Variants in CDH17 observed in about 807,000 individuals in gnomAD.
CDH17 encodes cadherin 17.
Under a neutral mutation model 86.3 loss-of-function variants are expected in CDH17, and 67 were observed. The ratio of observed to expected loss-of-function variants is 0.78; its 90% CI spans 0.64 to 0.95. The LOEUF is 0.95. CDH17 is among the 40% of genes least tolerant of loss of function. The probability of loss-of-function intolerance (pLI) is 0.00; values close to 1 mark genes in which losing one functional copy is unlikely to be tolerated. For synonymous variants in CDH17, 367 were observed against 366.4 expected, an observed-to-expected ratio of 1.00 and a Z score of -0.02; for missense variants, 993 against 1,017.6, an observed-to-expected ratio of 0.98 and a Z score of 0.33.
At chr8:94,143,735 C>T (rs1435470033) in intron 15 of CDH17, among the ~76,000 whole-genome samples, 2 of 152,198 alleles carry the variant, frequency 1.3e-5, no homozygotes, top group East Asian at 3.9e-4. Context: ...ATAAATCAAC[C>T]TCTGCTAGCT....
At position 94,181,187 on chromosome 8, in the gene CDH17, A is replaced by G. The variant is rs546944475; in HGVS notation, c.151-3466T>C. On this transcript the variant is annotated intron_variant, in intron 3 of 17. Transcript: ENST00000027335. Reference sequence around the variant, plus strand: ...CACCTAACAATGGACCTCAAAACACATGAAAGAAAAGCTGACAGAATGGAA... The same window carrying G: ...CACCTAACAATGGACCTCAAAACACGTGAAAGAAAAGCTGACAGAATGGAA... Among the ~76,000 whole-genome samples the G allele has an allele frequency of 7.9e-5, 12 of 152,300 alleles. No individual in the cohort carries two copies. In the East Asian group the frequency reaches 2.3e-3, roughly 29 times the overall value.
chr8:94,216,142 A>G (rs1019722200), intron 1 of CDH17, among the ~76,000 whole-genome samples: 4 of 148,872 alleles, frequency 2.7e-5, no homozygotes, highest in African/African-American at 9.9e-5. Flanking sequence ...AAGGAGGCCA[A>G]ATTCTCCTCC....
At chr8:94,150,791 AG>A (rs1812841462) in intron 13 of CDH17, among the ~76,000 whole-genome samples, 1 of 152,224 alleles carries the variant, frequency 6.6e-6, no homozygotes, top group Non-Finnish European at 1.5e-5. Flanking sequence ...TGAAGAAGAT[AG>A]GAACTTTTGT....
chr8:94,135,524 TC>T (rs886509232), intron 15 of CDH17, among the ~76,000 whole-genome samples: 9 of 152,222 alleles, frequency 5.9e-5, no homozygotes. Context: ...TCTTCCTCCA[TC>T]CTTTTATTTT....
intron 12 of CDH17, among the ~76,000 whole-genome samples, chr8:94,153,139 T>C (rs1812886625): frequency 6.6e-6 from 1 of 152,044 alleles, no homozygotes; most frequent in African/African-American, 2.4e-5. Flanking sequence ...AGGATTAATA[T>C]AAAAAATTTA....
intron 6 of CDH17, 22 bp from the exon 7 acceptor site, chr8:94,174,018 G>T: frequency 6.2e-7 from 1 of 1,610,762 alleles, no homozygotes; most frequent in Non-Finnish European, 8.5e-7. Context: ...AGGGGAGAAG[G>T]GAATAGGAAG....
At chr8:94,148,434 C>A (rs1003047064) in intron 14 of CDH17, among the ~76,000 whole-genome samples, 1 of 147,432 alleles carries the variant, frequency 6.8e-6, no homozygotes, top group Non-Finnish European at 1.5e-5. Context: ...CCCAGCTACT[C>A]GGAAGGCTGA....
At chr8:94,188,530 A>G (rs569118608) in intron 3 of CDH17, among the ~76,000 whole-genome samples, 8 of 152,140 alleles carry the variant, frequency 5.3e-5, no homozygotes, top group Non-Finnish European at 8.8e-5. Context: ...TGACTTTCTC[A>G]GGGGATGTCT....
At chr8:94,177,555 G>C (rs375938467) in intron 4 of CDH17, 32 bp downstream of exon 4, 1 of 1,612,294 alleles carries the variant, frequency 6.2e-7, no homozygotes, top group Non-Finnish European at 8.5e-7. Context: ...AGAGAGGTTG[G>C]AGTTAGATCC....
At chr8:94,129,338 T>C (rs1563561269) in intron 17 of CDH17, among the ~76,000 whole-genome samples, 1 of 152,086 alleles carries the variant, frequency 6.6e-6, no homozygotes, top group Admixed American at 6.5e-5. Context: ...GTGCAGTAGA[T>C]AGTGGTTCTC....
In CDH17 at chr8:94,174,279, C is replaced by CA; in HGVS notation, c.425-20_425-19insT. ...GGCTTTCCTGTTTAACAAGACGTAC[C>CA]CAGAAAAAAAAAAAAAAAGATATTA... is the stretch of plus-strand genomic sequence containing the variant. On this transcript the variant is annotated intron_variant, in intron 5 of 17. Coordinates refer to ENST00000027335, the MANE Select transcript of CDH17 (RefSeq NM_004063.4). 1 of 1,521,232 alleles carries CA rather than the reference C, an allele frequency of 6.6e-7. No individual in the cohort carries two copies. Among genetic ancestry groups the CA allele is most frequent in the Non-Finnish European group, 8.8e-7 (1 of 1,141,546 alleles). The allele number at this position is 1,521,232 out of a possible 1,614,324, so 94.2% of individuals were successfully genotyped here. A position where few individuals can be genotyped will look rare whatever the true frequency, so the allele number is the denominator to read the frequency against.
intron 3 of CDH17, among the ~76,000 whole-genome samples, chr8:94,182,490 T>C (rs2613234): frequency 0.77 from 116,982 of 152,008 alleles, 46,144 homozygotes; most frequent in African/African-American, 0.91. Flanking sequence ...TAAGGTAGTA[T>C]CCCATATTGA....
At chr8:94,203,776 G>T (rs575218735) in intron 1 of CDH17, among the ~76,000 whole-genome samples, 1 of 152,182 alleles carries the variant, frequency 6.6e-6, no homozygotes, top group African/African-American at 2.4e-5. Flanking sequence ...TACTCCACAT[G>T]GGGAGGGAAT....
At chr8:94,132,729 G>C (rs1420966978) in intron 15 of CDH17, among the ~76,000 whole-genome samples, 1 of 152,150 alleles carries the variant, frequency 6.6e-6, no homozygotes, top group Non-Finnish European at 1.5e-5. Context: ...TTTTAGTCAT[G>C]AAGTCCTTGC....
chr8:94,177,859 C>G (rs937682390), intron 3 of CDH17, 138 bp from the exon 4 acceptor site: 1 of 777,750 alleles, frequency 1.3e-6, no homozygotes, highest in Admixed American at 2.7e-5. Flanking sequence ...TAAAGTGGTA[C>G]CTTCTAAAAG....
chr8:94,185,726 C>T (rs190060201), intron 3 of CDH17, among the ~76,000 whole-genome samples: 1 of 152,210 alleles, frequency 6.6e-6, no homozygotes, highest in East Asian at 1.9e-4. Context: ...AATTTTTTTA[C>T]ATCAGTGAAT....
chr8:94,191,464 T>G (rs977331952), intron 2 of CDH17, among the ~76,000 whole-genome samples: 4 of 151,730 alleles, frequency 2.6e-5, no homozygotes, highest in Admixed American at 2.0e-4. Flanking sequence ...TTTTTTTTTT[T>G]TTTTGAGACA....
intron 3 of CDH17, among the ~76,000 whole-genome samples, chr8:94,183,657 A>G (rs1034246052): frequency 2.0e-5 from 3 of 152,156 alleles, no homozygotes; most frequent in African/African-American, 7.2e-5. Flanking sequence ...GAATGAGGAA[A>G]TGGTTTCTTA....
chr8:94,205,171 A>G (rs906136597), intron 1 of CDH17, among the ~76,000 whole-genome samples: 44 of 151,860 alleles, frequency 2.9e-4, no homozygotes, highest in Admixed American at 2.3e-3. Context: ...GCAGGGGGAG[A>G]CCCTTTCTCC....
Sources: allele counts gnomAD v4.1 joint callset (sites outside exome capture counted in the v4.1 genomes callset), GRCh38; gene constraint gnomAD v4.1.1; transcripts MANE v1.5; gene names NCBI Gene and HGNC (gene_info 2026-07-23, HGNC 2026-07-21).